BANP: variants seen among roughly 807,000 people sequenced by gnomAD.
BANP encodes the protein BTG3 associated nuclear protein, also known as protein BANP.
In BANP, 11 loss-of-function variants were observed where a neutral mutation model predicts 68.1. That is an observed-to-expected ratio of 0.16 (90% confidence interval 0.10 to 0.27). The LOEUF (loss-of-function observed/expected upper bound fraction) is 0.27, where lower values mean the gene tolerates loss of function less well. Among genes scored for constraint, BANP ranks in the 10% least tolerant of loss-of-function variants. The pLI, the probability that BANP is intolerant of heterozygous loss-of-function variation, is 1.00. For synonymous variants in BANP, 329 were observed against 303.2 expected, an observed-to-expected ratio of 1.09 and a Z score of -0.88; for missense variants, 504 against 722.7, an observed-to-expected ratio of 0.70 and a Z score of 3.47.
At chr16:87,996,635 C>T (rs561018706) in intron 4 of BANP, among the ~76,000 whole-genome samples, 2 of 143,524 alleles carry the variant, frequency 1.4e-5, no homozygotes, top group African/African-American at 5.2e-5. Context: ...GCTGGGCCCT[C>T]GTCCTGGGCG....
intron 7 of BANP, among the ~76,000 whole-genome samples, chr16:88,020,275 G>A (rs543085800): frequency 1.3e-5 from 2 of 152,236 alleles, no homozygotes; most frequent in Non-Finnish European, 2.9e-5. Flanking sequence ...CATGGTCGTG[G>A]ATGTGCTCCA....
chr16:88,050,380 T>C (rs2082970653), intron 11 of BANP, among the ~76,000 whole-genome samples: 1 of 152,156 alleles, frequency 6.6e-6, no homozygotes, highest in Admixed American at 6.5e-5. Flanking sequence ...GGTCTTGAAC[T>C]CCCGGGCTTA....
At chr16:87,979,051 C>T (rs1409470042) in intron 2 of BANP, among the ~76,000 whole-genome samples, 1 of 152,220 alleles carries the variant, frequency 6.6e-6, no homozygotes. Flanking sequence ...TCGGATTTGA[C>T]TGCTTTTGCC....
At chr16:88,055,352 G>C (rs1291048373) in intron 11 of BANP, among the ~76,000 whole-genome samples, 1 of 151,840 alleles carries the variant, frequency 6.6e-6, no homozygotes, top group Non-Finnish European at 1.5e-5. Flanking sequence ...ATTTAGTAAA[G>C]TTAAGCAAAG....
upstream of BANP, chr16:87,950,661 C>G (rs1469264272): frequency 2.6e-5 from 4 of 152,244 alleles, no homozygotes; most frequent in Non-Finnish European, 4.4e-5. Context: ...GTCGCGAACC[C>G]TTTACCTCAG....
In BANP at chr16:88,003,814, G is replaced by A. The variant is rs543919207; in HGVS notation, c.363-481G>A. On this transcript the variant is annotated intron_variant, in intron 4 of 13. Transcript: ENST00000682872. This position sits in a 1 kb window ranked among gnomAD's most constrained non-coding sequence, Gnocchi z 6.1. ...ATGTTTGCCCCTTTCTTTCCAGGGC[G>A]CTACCGTTTTGGAATGATACCAACA... 122 of 308,950 alleles carry A rather than the reference G, an allele frequency of 3.9e-4. No homozygotes were observed. The highest frequency in any genetic ancestry group is 2.2e-4 in the Non-Finnish European group (34 of 158,136). The allele number at this position is 308,950 out of a possible 1,614,324, so 19.1% of individuals were successfully genotyped here.
Position 87,975,144 on chromosome 16 carries a change from T to G in BANP, c.29T>G (p.Val10Gly). Residue 10 changes from valine (V) to glycine (G), a missense_variant, in exon 2 of 14, where the codon GTG becomes GGG. Physicochemically the swap from Val to Gly is moderately radical, Grantham distance 109 (BLOSUM62 -3). Transcript: ENST00000682872. Reference protein sequence around the residue: MMSEHDLADVVQIAVEDLSP... With the variant: MMSEHDLADGVQIAVEDLSP... Reference sequence around the variant, plus strand: ...ATGTCGGAACACGACCTGGCCGATGTGGTTCAGATTGCAGTGGAAGACCTG... The same window carrying G: ...ATGTCGGAACACGACCTGGCCGATGGGGTTCAGATTGCAGTGGAAGACCTG... The G allele has an allele frequency of 6.2e-7, 1 of 1,614,178 alleles. No individual in the cohort carries two copies. The highest frequency in any genetic ancestry group is 8.5e-7 in the Non-Finnish European group (1 of 1,180,014).
In BANP at chr16:88,036,534, T is replaced by C. The variant is rs2079409467; in HGVS notation, c.1272+1140T>C. On this transcript the variant is annotated intron_variant, in intron 10 of 13. Transcript: ENST00000682872. This position sits in a 1 kb window ranked among gnomAD's most constrained non-coding sequence, Gnocchi z 4.2. The stretch of plus-strand genomic sequence containing the variant: ...GTGGAGCACCAGGGACTCGGGCGTG[T>C]CTGCTGGCAGTGGCTTTAATTTGGA... Among the ~76,000 whole-genome samples the C allele has an allele frequency of 6.6e-6, 1 of 151,816 alleles. No individual in the cohort carries two copies. Among genetic ancestry groups the C allele is most frequent in the African/African-American group, 2.4e-5 (1 of 41,268 alleles).
chr16:88,006,100 G>C lies in BANP; in HGVS notation c.490G>C (p.Gly164Arg). 6.2e-7 allele frequency: 1 copy of C among 1,613,896 alleles called. No individual in the cohort carries two copies. ...TTTTTTCCCGTTTAGCGCTGTGCCT[G>C]GGCGTCGGCAGAACACCATTGTGGT... ...LENVISNAVP[G>R]RRQNTIVVKV... Residue 164 changes from glycine (G) to arginine (R), a missense_variant, in exon 6 of 14, where the codon GGG (glycine) becomes CGG (arginine). This residue lies in a region of BANP where 238 missense variants were observed against 278.9 expected (regional missense o/e 0.85). Transcript: ENST00000682872.
At chr16:88,068,879 C>G (rs957384495) in intron 12 of BANP, among the ~76,000 whole-genome samples, 3 of 86,680 alleles carry the variant, frequency 3.5e-5, no homozygotes, top group African/African-American at 4.6e-5. Context: ...CTCCACCTCC[C>G]TGGGCGCTCT....
chr16:88,038,071 A>G (rs1598733687), intron 11 of BANP, 60 bp downstream of exon 11: 9 of 882,828 alleles, frequency 1.0e-5, no homozygotes, highest in African/African-American at 2.2e-5. Flanking sequence ...TGGGGTTCTC[A>G]GGGGAGGGGG....
At chr16:87,975,596 C>A (rs1171949869) in intron 2 of BANP, among the ~76,000 whole-genome samples, 1 of 130,840 alleles carries the variant, frequency 7.6e-6, no homozygotes, top group Non-Finnish European at 1.6e-5. Context: ...TGGAACCTTA[C>A]CATGTTGTGT....
At chr16:88,027,976 GCCGGGTGACT>G (rs1195330262) in intron 8 of BANP, among the ~76,000 whole-genome samples, 1 of 152,254 alleles carries the variant, frequency 6.6e-6, no homozygotes, top group South Asian at 2.1e-4. Flanking sequence ...CTCACGATTT[GCCGGGTGACT>G]CCGGGTGAAG....
At chr16:87,985,397 G>A (rs1267746925) in intron 4 of BANP, among the ~76,000 whole-genome samples, 3 of 152,164 alleles carry the variant, frequency 2.0e-5, no homozygotes, top group South Asian at 2.1e-4. Flanking sequence ...TGTCACTCAC[G>A]TGTCTCCCCC....
intron 11 of BANP, among the ~76,000 whole-genome samples, chr16:88,038,529 G>T (rs2152767458): frequency 6.6e-6 from 1 of 151,330 alleles, no homozygotes; most frequent in Admixed American, 6.6e-5. Context: ...TATGTTGATG[G>T]TGGTCATGTT....
intron 7 of BANP, among the ~76,000 whole-genome samples, chr16:88,026,708 G>T (rs1029497357): frequency 1.3e-5 from 2 of 152,034 alleles, no homozygotes; most frequent in African/African-American, 4.8e-5. Flanking sequence ...CTGTGTTTAT[G>T]AGGGGGACAG....
chr16:87,961,491 G>A lies in BANP; in HGVS notation c.-69+9976G>A, dbSNP rs542597998. The stretch of plus-strand genomic sequence containing the variant: ...AGGCTGCCTTTTTGTCATATGCATC[G>A]ACCAAAACAACATATCGGAGCAGAC... On this transcript the variant is annotated intron_variant, in intron 1 of 13. Coordinates refer to ENST00000682872, the MANE Select transcript of BANP (RefSeq NM_001386991.1). Among the ~76,000 whole-genome samples, 162 of 149,232 alleles carry A rather than the reference G, an allele frequency of 1.1e-3. 2 individuals are homozygous for A. Among genetic ancestry groups the A allele is most frequent in the Admixed American group, 9.2e-3 (132 of 14,360 alleles).
chr16:88,044,592 C>T (rs909342753), intron 11 of BANP, among the ~76,000 whole-genome samples: 14 of 152,348 alleles, frequency 9.2e-5, no homozygotes, highest in Admixed American at 4.6e-4. Flanking sequence ...GCTAATGTCT[C>T]TTTCTTAAGA....
At chr16:87,997,229 G>A (rs1027229434) in intron 4 of BANP, among the ~76,000 whole-genome samples, 4 of 152,224 alleles carry the variant, frequency 2.6e-5, no homozygotes, top group African/African-American at 9.6e-5. Flanking sequence ...AAAGTGTTGG[G>A]ATTACAGGTG....
Sources: gnomAD v4.1 joint callset for allele counts (sites outside exome capture counted in the v4.1 genomes callset) on GRCh38, gnomAD v4.1.1 for gene constraint, gnomAD v4.1.1 regional missense constraint, Gnocchi (gnomAD v3.1) non-coding constraint, MANE v1.5 for transcripts, NCBI Gene and HGNC (gene_info 2026-07-23, HGNC 2026-07-21) for gene names.